The following RGS21 variants were observed in gnomAD, a reference collection of about 807,000 sequenced individuals.
The protein encoded by RGS21 is regulator of G protein signaling 21, also known as regulator of G-protein signalling 21.
A neutral mutation model predicts 18.7 loss-of-function variants in RGS21; 19 were observed. That is an observed-to-expected ratio of 1.01 (90% CI 0.71 to 1.49). The LOEUF (loss-of-function observed/expected upper bound fraction) is 1.49, where lower values mean the gene tolerates loss of function less well. Among genes scored for constraint, RGS21 ranks in the 40% most tolerant of loss-of-function variants. The pLI, the probability that RGS21 is intolerant of heterozygous loss-of-function variation, is 0.00. For missense variants in RGS21, 194 were observed against 176.8 expected (o/e 1.10, Z -0.55); for synonymous variants, 56 against 57.8 (o/e 0.97, Z 0.14).
At chr1:192,347,143 T>A (rs1658958100) in intron 2 of RGS21, among the ~76,000 whole-genome samples, 170 bp from the exon 3 acceptor site, 1 of 152,186 alleles carries the variant, frequency 6.6e-6, no homozygotes, top group Admixed American at 6.6e-5. Context: ...ACATCCCACT[T>A]TATGTCACTA....
chr1:192,363,834 T>C (rs1159755683), intron 4 of RGS21, among the ~76,000 whole-genome samples: 1 of 152,140 alleles, frequency 6.6e-6, no homozygotes, highest in Non-Finnish European at 1.5e-5. Flanking sequence ...TGTGTTTATT[T>C]GCTTATTTTT....
intron 3 of RGS21, 97 bp downstream of exon 3, chr1:192,347,486 C>A: frequency 2.3e-5 from 14 of 610,474 alleles, no homozygotes; most frequent in South Asian, 2.2e-4. Context: ...TGAGTTTAAT[C>A]AATGAAGTAT....
At chr1:192,342,794 A>G (rs1313858713) in intron 1 of RGS21, among the ~76,000 whole-genome samples, 183 bp from the exon 2 acceptor site, 1 of 152,128 alleles carries the variant, frequency 6.6e-6, no homozygotes, top group Non-Finnish European at 1.5e-5. Flanking sequence ...AGACTCAGAG[A>G]AATGTCACAT....
intron 3 of RGS21, among the ~76,000 whole-genome samples, chr1:192,351,780 TATATAACACATATATAGCACATATAACA>T: frequency 2.0e-5 from 3 of 147,620 alleles, no homozygotes; most frequent in Non-Finnish European, 4.5e-5. Context: ...ATATATAATA[TATATAACACATATATAGCACATATAACA>T]TATATGTGCT....
chr1:192,331,785 A>T (rs1454081857), intron 1 of RGS21, among the ~76,000 whole-genome samples: 3 of 151,938 alleles, frequency 2.0e-5, no homozygotes, highest in Non-Finnish European at 4.4e-5. Flanking sequence ...ATATTTTTTT[A>T]AAATTTAGAC....
chr1:192,343,470 C>A (rs992966082), intron 2 of RGS21, among the ~76,000 whole-genome samples: 3 of 152,068 alleles, frequency 2.0e-5, no homozygotes, highest in African/African-American at 7.2e-5. Flanking sequence ...TTTCCATTCT[C>A]CAGCACACTG....
chr1:192,331,408 G>C (rs1042798920), intron 1 of RGS21, among the ~76,000 whole-genome samples: 1 of 151,890 alleles, frequency 6.6e-6, no homozygotes, highest in Non-Finnish European at 1.5e-5. Flanking sequence ...AAAAATTAGC[G>C]TGGTGGCAGG....
rs1571453402 is a variant in RGS21 at position 192,336,016 on chromosome 1, T to C, written c.-60-6961T>C. 2.6e-5 allele frequency among the ~76,000 whole-genome samples: 4 copies of C among 152,212 alleles called. No homozygotes were observed. The East Asian group carries it at 7.7e-4, about 29-fold the overall frequency. ...ACAAAGTATATTTGTTGTAATAGCA[T>C]CCAGATTAACAACTTGCGTAATGCT... On this transcript the variant is annotated intron_variant, in intron 1 of 4. Transcript: ENST00000417209.
At chr1:192,331,218 A>C (rs1658642667) in intron 1 of RGS21, among the ~76,000 whole-genome samples, 2 of 152,164 alleles carry the variant, frequency 1.3e-5, no homozygotes, top group African/African-American at 4.8e-5. Flanking sequence ...TGGATCAAAA[A>C]GTTGTAAGTG....
Position 192,362,843 on chromosome 1 carries a change from C to A in RGS21, c.256-3078C>A, listed in dbSNP as rs111891040. Among the ~76,000 whole-genome samples the A allele has an allele frequency of 4.1e-3, 628 of 152,094 alleles. 7 individuals carry two copies. The highest frequency in any genetic ancestry group is 0.014 in the African/African-American group (594 of 41,512). On this transcript the variant is annotated intron_variant, in intron 4 of 4. Coordinates refer to ENST00000417209, the MANE Select transcript of RGS21 (RefSeq NM_001039152.3). ...ACATGATTTTGAACAAGTATAGAAC[C>A]ATTTTTTCACTGCTTATACATGTAT...
At chr1:192,347,223 C>G in intron 2 of RGS21, 90 bp from the exon 3 acceptor site, 1 of 784,420 alleles carries the variant, frequency 1.3e-6, no homozygotes, top group Non-Finnish European at 2.2e-6. Flanking sequence ...GCATGAAGTT[C>G]ATTTGAATGA....
chr1:192,342,949 A>G (rs1658893040), intron 1 of RGS21, 28 bp from the exon 2 acceptor site: 1 of 1,320,578 alleles, frequency 7.6e-7, no homozygotes, highest in Non-Finnish European at 1.1e-6. Flanking sequence ...TACTAATTGT[A>G]ATGTTCCTGC....
intron 1 of RGS21, among the ~76,000 whole-genome samples, chr1:192,328,765 G>A (rs936913709): frequency 9.2e-5 from 14 of 152,024 alleles, no homozygotes; most frequent in African/African-American, 1.7e-4. Context: ...TAGGATGTTC[G>A]TCACAGTAAT....
chr1:192,326,439 T>A (rs1017406974), intron 1 of RGS21, among the ~76,000 whole-genome samples: 1 of 152,106 alleles, frequency 6.6e-6, no homozygotes, highest in Non-Finnish European at 1.5e-5. Flanking sequence ...ATATGGTTAA[T>A]AATATTTACC....
chr1:192,333,005 G>A lies in RGS21; in HGVS notation c.-60-9972G>A, dbSNP rs74969236. On this transcript the variant is annotated intron_variant, in intron 1 of 4. Coordinates refer to ENST00000417209, the MANE Select transcript of RGS21 (RefSeq NM_001039152.3). ...ATAACAACTAACAATTAGAAAAAAG[G>A]TAAAATACAAGAGGCATTTCATTGA... Among the ~76,000 whole-genome samples the A allele has an allele frequency of 8.1e-4, 123 of 151,748 alleles. 2 individuals are homozygous for A. Among genetic ancestry groups the A allele is most frequent in the African/African-American group, 2.8e-3 (117 of 41,386 alleles).
At chr1:192,335,439 T>C (rs907350179) in intron 1 of RGS21, among the ~76,000 whole-genome samples, 3 of 152,196 alleles carry the variant, frequency 2.0e-5, no homozygotes, top group Non-Finnish European at 4.4e-5. Flanking sequence ...TCCTCATTTT[T>C]GGTTACTCAT....
At chr1:192,330,426 C>G (rs1658629998) in intron 1 of RGS21, among the ~76,000 whole-genome samples, 1 of 151,854 alleles carries the variant, frequency 6.6e-6, no homozygotes, top group South Asian at 2.1e-4. Flanking sequence ...AAAGTAGAAG[C>G]TACTTTGACC....
chr1:192,365,459 G>A (rs1157381930), intron 4 of RGS21, among the ~76,000 whole-genome samples: 1 of 152,010 alleles, frequency 6.6e-6, no homozygotes, highest in Non-Finnish European at 1.5e-5. Flanking sequence ...CAAATAAAAA[G>A]AAACACAAAT....
intron 1 of RGS21, among the ~76,000 whole-genome samples, chr1:192,326,080 G>C (rs1658564878): frequency 6.6e-6 from 1 of 151,958 alleles, no homozygotes; most frequent in Non-Finnish European, 1.5e-5. Context: ...TATGGATCCT[G>C]CAAATATTAC....
Sources: gnomAD v4.1 joint callset for allele counts (sites outside exome capture counted in the v4.1 genomes callset) on GRCh38, gnomAD v4.1.1 for gene constraint, MANE v1.5 for transcripts, NCBI Gene and HGNC (gene_info 2026-07-23, HGNC 2026-07-21) for gene names.